Variants in TBC1D4 observed in about 807,000 individuals in gnomAD.
TBC1D4 encodes TBC1 domain family member 4, also known as TBC (Tre-2, BUB2, CDC16) domain-containing protein.
TBC1D4 carries 121 observed loss-of-function variants against 142.5 expected under a neutral mutation model. That is an observed-to-expected ratio of 0.85 (90% CI 0.73 to 0.99). The LOEUF is 0.99. TBC1D4 is among the 50% of genes least tolerant of loss of function. TBC1D4 has a pLI of 0.00. For synonymous variants in TBC1D4, 630 were observed against 628.2 expected, an observed-to-expected ratio of 1.00 and a Z score of -0.04; for missense variants, 1,475 against 1,606.6, an observed-to-expected ratio of 0.92 and a Z score of 1.40.
chr13:75,366,726 G>A (rs1354875543), intron 1 of TBC1D4, among the ~76,000 whole-genome samples: 1 of 151,710 alleles, frequency 6.6e-6, no homozygotes, highest in Non-Finnish European at 1.5e-5. Flanking sequence ...ATGTCATGCT[G>A]TTCTTTCTCA....
chr13:75,348,807 C>G (rs1881352777), intron 5 of TBC1D4, among the ~76,000 whole-genome samples: 1 of 152,130 alleles, frequency 6.6e-6, no homozygotes, highest in African/African-American at 2.4e-5. Flanking sequence ...ATGGTTTTGT[C>G]TCTCTTCATT....
chr13:75,421,538 A>T (rs75413264), intron 1 of TBC1D4, among the ~76,000 whole-genome samples: 1 of 152,336 alleles, frequency 6.6e-6, no homozygotes, highest in East Asian at 1.9e-4. Flanking sequence ...AATGTTCTGT[A>T]ACAAGAACTC....
intron 17 of TBC1D4, among the ~76,000 whole-genome samples, chr13:75,297,091 C>CT (rs1247848459): frequency 3.3e-5 from 5 of 152,334 alleles, no homozygotes; most frequent in African/African-American, 1.2e-4. Context: ...AAAGGACCTA[C>CT]TCTCCCAGAA....
intron 1 of TBC1D4, chr13:75,366,939 C>G: frequency 1.0e-6 from 1 of 985,362 alleles, no homozygotes; most frequent in African/African-American, 1.7e-5. Context: ...CAGCTGGAAA[C>G]TGGAGGTGGT....
rs539061277 is a variant in TBC1D4, at chr13:75,357,594, C to G, written c.1171-1343G>C. Reference sequence around the variant, plus strand: ...AAAAATTCACAGGACCTCATTAGCTCGGAGAGTCCTGAGGCAATGGCAATG... The same window carrying G: ...AAAAATTCACAGGACCTCATTAGCTGGGAGAGTCCTGAGGCAATGGCAATG... On this transcript the variant is annotated intron_variant, in intron 3 of 20. Coordinates refer to ENST00000377636, the MANE Select transcript of TBC1D4 (RefSeq NM_014832.5). Among the ~76,000 whole-genome samples, 108 of 152,270 alleles carry G rather than the reference C, an allele frequency of 7.1e-4. 1 individual carries two copies. Among genetic ancestry groups the G allele is most frequent in the Non-Finnish European group, 1.2e-3 (84 of 68,030 alleles).
chr13:75,293,548 T>C (rs1247206620), intron 18 of TBC1D4, among the ~76,000 whole-genome samples: 4 of 152,144 alleles, frequency 2.6e-5, no homozygotes, highest in Non-Finnish European at 5.9e-5. Flanking sequence ...AAAATGTATA[T>C]AAACAAAAGG....
In TBC1D4 at chr13:75,395,478, CTA is replaced by C. The variant is rs370188208; in HGVS notation, c.499-32873_499-32872del. Among the ~76,000 whole-genome samples, 719 of 152,300 alleles carry C rather than the reference CTA, an allele frequency of 4.7e-3. 2 individuals are homozygous for C. The highest frequency in any genetic ancestry group is 0.016 in the African/African-American group (672 of 41,562). ...ATTTATAAAGATTCCTGGTATTTCT[CTA>C]TGAGTTGCTGGAAACAGCAAAATCA... On this transcript the variant is annotated intron_variant, in intron 1 of 20. Coordinates refer to ENST00000377636, the MANE Select transcript of TBC1D4 (RefSeq NM_014832.5).
At position 75,362,739 on chromosome 13, in the gene TBC1D4, G is replaced by T; in HGVS notation, c.499-132C>A. On this transcript the variant is annotated intron_variant, in intron 1 of 20. Transcript: ENST00000377636. This position sits in a 1 kb window ranked among gnomAD's most constrained non-coding sequence, Gnocchi z 4.2. The stretch of plus-strand genomic sequence containing the variant: ...ATACAAAGTAATAGACACTACACGA[G>T]ACAGAGCATACACTTACATTATTTG... The T allele has an allele frequency of 1.1e-6, 1 of 898,392 alleles. No homozygotes were observed. The highest frequency in any genetic ancestry group is 1.7e-6 in the Non-Finnish European group (1 of 586,674). 55.7% of individuals were successfully genotyped at this position (898,392 alleles called of 1,614,324 possible).
At chr13:75,441,340 A>C (rs1274711715) in intron 1 of TBC1D4, among the ~76,000 whole-genome samples, 3 of 152,204 alleles carry the variant, frequency 2.0e-5, no homozygotes, top group African/African-American at 7.2e-5. Flanking sequence ...AAAACATGTA[A>C]AATGTTTACA....
intron 1 of TBC1D4, among the ~76,000 whole-genome samples, chr13:75,370,541 C>T (rs1883168627): frequency 6.6e-6 from 1 of 152,094 alleles, no homozygotes; most frequent in South Asian, 2.1e-4. Flanking sequence ...AAGGTACAGA[C>T]ATGATGATAT....
chr13:75,311,931 T>C (rs1877798173), intron 13 of TBC1D4, among the ~76,000 whole-genome samples: 1 of 152,224 alleles, frequency 6.6e-6, no homozygotes, highest in African/African-American at 2.4e-5. Context: ...TTTATTTGTG[T>C]TACTCAAATA....
chr13:75,470,592 T>C (rs769967564), intron 1 of TBC1D4, among the ~76,000 whole-genome samples: 4 of 152,160 alleles, frequency 2.6e-5, no homozygotes, highest in Non-Finnish European at 4.4e-5. Context: ...TTTATCATCA[T>C]TAATCTGGCT....
intron 17 of TBC1D4, among the ~76,000 whole-genome samples, chr13:75,296,202 A>G (rs1261829771): frequency 6.6e-6 from 1 of 152,140 alleles, no homozygotes; most frequent in African/African-American, 2.4e-5. Context: ...AGCTGGAGTC[A>G]AAGTTTTTTT....
intron 1 of TBC1D4, among the ~76,000 whole-genome samples, chr13:75,473,027 A>C (rs1168630313): frequency 1.3e-5 from 2 of 152,148 alleles, no homozygotes; most frequent in African/African-American, 2.4e-5. Context: ...AGACAGAGTA[A>C]GCTGTCGCCC....
intron 1 of TBC1D4, among the ~76,000 whole-genome samples, chr13:75,391,777 G>A (rs962812612): frequency 2.0e-5 from 3 of 151,974 alleles, no homozygotes; most frequent in African/African-American, 7.3e-5. Flanking sequence ...TGAGCTCCTC[G>A]CCTGCCACTC....
chr13:75,397,148 G>GAA (rs879612516), intron 1 of TBC1D4, among the ~76,000 whole-genome samples: 2 of 148,892 alleles, frequency 1.3e-5, no homozygotes, highest in Non-Finnish European at 3.0e-5. Context: ...GAGAAGGCAA[G>GAA]AAAAAAAAAT....
At chr13:75,366,887 GA>G (rs34224672) in intron 1 of TBC1D4, 492,585 of 945,412 alleles carry the variant, frequency 0.52, 131,540 homozygotes, top group South Asian at 0.71. Context: ...AAAATCTGGA[GA>G]GTGAAAAAGC....
At chr13:75,460,658 C>T (rs1287111415) in intron 1 of TBC1D4, among the ~76,000 whole-genome samples, 7 of 152,212 alleles carry the variant, frequency 4.6e-5, no homozygotes, top group African/African-American at 7.2e-5. Context: ...CAGTGGTTCA[C>T]GTCTGTAATC....
chr13:75,419,406 G>A lies in TBC1D4; in HGVS notation c.499-56799C>T, dbSNP rs140869829. Among the ~76,000 whole-genome samples the A allele has an allele frequency of 4.1e-3, 623 of 152,250 alleles. 9 individuals carry two copies. Among genetic ancestry groups the A allele is most frequent in the African/African-American group, 0.015 (606 of 41,538 alleles). ...ACAATGTATGTATCTAGTAAGGATT[G>A]CAGATTTTTACCAACTTTTTAGTTT... On this transcript the variant is annotated intron_variant, in intron 1 of 20. Transcript: ENST00000377636.
Sources: gnomAD v4.1 joint callset for allele counts (sites outside exome capture counted in the v4.1 genomes callset) on GRCh38, gnomAD v4.1.1 for gene constraint, Gnocchi (gnomAD v3.1) non-coding constraint, MANE v1.5 for transcripts, NCBI Gene and HGNC (gene_info 2026-07-23, HGNC 2026-07-21) for gene names.